CACNA1E: variants seen among roughly 807,000 people sequenced by gnomAD.
CACNA1E encodes voltage-dependent R-type calcium channel subunit alpha-1E.
A neutral mutation model predicts 259.2 loss-of-function variants in CACNA1E; 40 were observed. The ratio of observed to expected loss-of-function variants is 0.15; its 90% CI spans 0.12 to 0.20. The LOEUF (loss-of-function observed/expected upper bound fraction) is 0.20. Ranked by LOEUF, CACNA1E falls within the 10% of genes least tolerant of loss-of-function variation. CACNA1E has a pLI of 1.00. For synonymous variants in CACNA1E, 1,104 were observed against 1,138.5 expected (o/e 0.97, Z 0.61); for missense variants, 1,874 against 3,040.1 (o/e 0.62, Z 9.02).
chr1:181,390,245 G>C (rs1453601974), intron 1 of CACNA1E, among the ~76,000 whole-genome samples: 1 of 152,210 alleles, frequency 6.6e-6, no homozygotes, highest in East Asian at 1.9e-4. Context: ...TAACCTGACC[G>C]CCTTAGGAGG....
chr1:181,574,776 C>T (rs1650783486), intron 3 of CACNA1E, among the ~76,000 whole-genome samples: 1 of 152,168 alleles, frequency 6.6e-6, no homozygotes, highest in African/African-American at 2.4e-5. Context: ...CCTGTAATCC[C>T]AGCACTTTGG....
intron 2 of CACNA1E, among the ~76,000 whole-genome samples, chr1:181,442,928 T>C (rs896705882): frequency 6.6e-6 from 1 of 152,110 alleles, no homozygotes; most frequent in African/African-American, 2.4e-5. Context: ...AGCCTTGCTG[T>C]CAGGAGCGCC....
At chr1:181,723,493 C>G (rs1392314335) in intron 16 of CACNA1E, among the ~76,000 whole-genome samples, 1 of 152,070 alleles carries the variant, frequency 6.6e-6, no homozygotes, top group Non-Finnish European at 1.5e-5. Context: ...TTTTACTCAC[C>G]AACAAGCAAG....
At position 181,734,238 on chromosome 1, in the gene CACNA1E, C is replaced by T. The variant is rs191057758; in HGVS notation, c.3262+488C>T. Among the ~76,000 whole-genome samples, 121 of 152,194 alleles carry T rather than the reference C, an allele frequency of 8.0e-4. No individual in the cohort carries two copies. The East Asian group carries it at 0.019, about 24-fold the overall frequency. ...TACTAGATGATCTCTGAGGCCTTTCCCTGTACTAACATTTTATATGATTCT... is the reference window on the plus strand; with the variant it reads ...TACTAGATGATCTCTGAGGCCTTTCTCTGTACTAACATTTTATATGATTCT... On this transcript the variant is annotated intron_variant, in intron 21 of 47. Transcript: ENST00000367573.
At chr1:181,535,843 A>T (rs1344657681) in intron 3 of CACNA1E, among the ~76,000 whole-genome samples, 2 of 151,680 alleles carry the variant, frequency 1.3e-5, no homozygotes, top group Non-Finnish European at 2.9e-5. Flanking sequence ...ATGCACTATC[A>T]CCCCGGCTAA....
In CACNA1E at chr1:181,473,462, A is replaced by G. The variant is rs562097199; in HGVS notation, c.435-10282A>G. Among the ~76,000 whole-genome samples, 3 of 152,230 alleles carry G rather than the reference A, an allele frequency of 2.0e-5. No individual in the cohort carries two copies. The South Asian group carries it at 6.2e-4, about 31-fold the overall frequency. On this transcript the variant is annotated intron_variant, in intron 2 of 11. Coordinates refer to the CACNA1E transcript ENST00000524607. ...ACTCCTGTTGCTCTGGGATATTGCA[A>G]TGCAAAATGACAGCAGCAGTAGGAG...
intron 3 of CACNA1E, among the ~76,000 whole-genome samples, chr1:181,570,864 C>T (rs1252865818): frequency 6.6e-6 from 1 of 152,232 alleles, no homozygotes; most frequent in African/African-American, 2.4e-5. Flanking sequence ...TTTGCCATAA[C>T]AGGTAACGTT....
intron 34 of CACNA1E, 32 bp from the exon 35 acceptor site, chr1:181,766,514 T>C (rs1659038181): frequency 6.4e-7 from 1 of 1,562,844 alleles, no homozygotes; most frequent in Non-Finnish European, 8.8e-7. Flanking sequence ...TGCTTTTCTT[T>C]GATTAACGTC....
At chr1:181,501,078 T>G (rs1665208677) in intron 1 of CACNA1E, among the ~76,000 whole-genome samples, 1 of 152,236 alleles carries the variant, frequency 6.6e-6, no homozygotes, top group Admixed American at 6.5e-5. Context: ...CCCACTGCTG[T>G]TTTGTTTTCT....
chr1:181,752,331 G>A, intron 27 of CACNA1E, 92 bp downstream of exon 27: 1 of 910,120 alleles, frequency 1.1e-6, no homozygotes, highest in East Asian at 2.4e-5. Flanking sequence ...ATTTGTTCTG[G>A]GAATATTCCT....
At chr1:181,581,821 C>T (rs1651574391) in intron 6 of CACNA1E, among the ~76,000 whole-genome samples, 2 of 152,006 alleles carry the variant, frequency 1.3e-5, no homozygotes, top group Admixed American at 6.6e-5. Flanking sequence ...ATGATCATGC[C>T]TCTTATGCAC....
At chr1:181,403,360 C>G (rs1488832324) in intron 1 of CACNA1E, among the ~76,000 whole-genome samples, 1 of 151,254 alleles carries the variant, frequency 6.6e-6, no homozygotes, top group Non-Finnish European at 1.5e-5. Flanking sequence ...TAGTATGACC[C>G]CTCATCCTCA....
chr1:181,425,523 A>G (rs1349533361), intron 2 of CACNA1E, among the ~76,000 whole-genome samples: 1 of 125,292 alleles, frequency 8.0e-6, no homozygotes, highest in East Asian at 2.3e-4. Context: ...ATTGCTGTAC[A>G]CCCCCGCTCC....
chr1:181,762,643 C>T lies in CACNA1E; in HGVS notation c.4675C>T (p.Leu1559=). ...TVIGSITEII[L]TDSKLVNTSG... is the part of the protein sequence containing the mutation. ...GATTGGCAGTATCACAGAAATTATCCTGACAGACAGCAAGGTGAATGGCTT... is the reference window on the plus strand; with the variant it reads ...GATTGGCAGTATCACAGAAATTATCTTGACAGACAGCAAGGTGAATGGCTT... Residue 1559 remains leucine (L), a synonymous_variant, in exon 33 of 48, where the codon CTG becomes TTG. Transcript: ENST00000367573. 6.3e-7 allele frequency: 1 copy of T among 1,598,852 alleles called. No individual in the cohort carries two copies. Among genetic ancestry groups the T allele is most frequent in the Non-Finnish European group, 8.6e-7 (1 of 1,169,184 alleles).
intron 6 of CACNA1E, among the ~76,000 whole-genome samples, chr1:181,625,952 C>T (rs896521991): frequency 6.6e-6 from 1 of 151,848 alleles, no homozygotes; most frequent in African/African-American, 2.4e-5. Flanking sequence ...ATTAACTGGC[C>T]CAATTTCAAT....
chr1:181,566,439 G>A (rs1649831941), intron 3 of CACNA1E, among the ~76,000 whole-genome samples: 1 of 152,044 alleles, frequency 6.6e-6, no homozygotes, highest in Admixed American at 6.6e-5. Flanking sequence ...TCCATCTCTT[G>A]GCATTTCTCC....
intron 7 of CACNA1E, among the ~76,000 whole-genome samples, chr1:181,683,531 A>G (rs1650204683): frequency 6.6e-6 from 1 of 152,206 alleles, no homozygotes; most frequent in Non-Finnish European, 1.5e-5. Context: ...AAATGATTTC[A>G]TCACCCAGAT....
chr1:181,579,306 T>C (rs1459031510), intron 5 of CACNA1E, 82 bp downstream of exon 5: 9 of 1,179,234 alleles, frequency 7.6e-6, no homozygotes, highest in African/African-American at 4.6e-5. Context: ...TGGAGGCTCA[T>C]TGGAAAAGTA....
intron 18 of CACNA1E, among the ~76,000 whole-genome samples, chr1:181,727,163 G>C (rs533947055): frequency 6.6e-6 from 1 of 152,172 alleles, no homozygotes; most frequent in South Asian, 2.1e-4. Context: ...AAGGTTGTTC[G>C]CATTTAGATG....
Sources: allele counts gnomAD v4.1 joint callset (sites outside exome capture counted in the v4.1 genomes callset), GRCh38; gene constraint gnomAD v4.1.1; transcripts MANE v1.5; gene names NCBI Gene and HGNC (gene_info 2026-07-23, HGNC 2026-07-21).